GIT2: variants seen among roughly 807,000 people sequenced by gnomAD.
The protein encoded by GIT2 is ARF GTPase-activating protein GIT2.
A neutral mutation model predicts 100.3 loss-of-function variants in GIT2; 32 were observed. That is an observed-to-expected ratio of 0.32 (90% CI 0.24 to 0.43). The LOEUF (loss-of-function observed/expected upper bound fraction) is 0.43. GIT2 is among the 20% of genes least tolerant of loss of function. GIT2 has a pLI of 1.00. For missense variants in GIT2, 737 were observed against 975.1 expected, an observed-to-expected ratio of 0.76 and a Z score of 3.25; for synonymous variants, 353 against 364.1, an observed-to-expected ratio of 0.97 and a Z score of 0.35.
chr12:109,943,692 CTTT>C (rs113590433), intron 16 of GIT2, among the ~76,000 whole-genome samples: 3 of 137,920 alleles, frequency 2.2e-5, no homozygotes, highest in Non-Finnish European at 3.2e-5. Flanking sequence ...ACAGTAATTC[CTTT>C]TTTTTTTTTG....
Position 109,939,243 on chromosome 12 carries a change from G to C in GIT2, c.1736C>G (p.Ser579Cys), listed in dbSNP as rs748201825. 3.3e-5 allele frequency: 53 copies of C among 1,593,046 alleles called. No individual in the cohort carries two copies. The Admixed American group carries it at 8.7e-4, about 26-fold the overall frequency. Reference protein sequence around the residue: ...WSRDESARRASRLEKQNSTPE... With the variant: ...WSRDESARRACRLEKQNSTPE... ...TGTGCTGTTCTGCTTCTCCAGCCTG[G>C]ATGCCTACAAGAAAGAAGAGGGACC... Residue 579 changes from serine (S) to cysteine (C), a missense_variant, in exon 17 of 20, where the codon TCC becomes TGC. By Grantham distance (112) the Ser-to-Cys change is moderately radical (BLOSUM62 -1). Transcript: ENST00000355312.
intron 12 of GIT2, among the ~76,000 whole-genome samples, chr12:109,958,750 A>G (rs1003017346): frequency 2.0e-5 from 3 of 152,210 alleles, no homozygotes; most frequent in Non-Finnish European, 2.9e-5. Flanking sequence ...TTTATGGTAC[A>G]TATTTCTTTT....
chr12:109,978,857 C>T (rs1166734349), intron 7 of GIT2, among the ~76,000 whole-genome samples: 1 of 152,194 alleles, frequency 6.6e-6, no homozygotes, highest in Non-Finnish European at 1.5e-5. Context: ...CATCTGTTGG[C>T]TGCCTTCCCT....
chr12:109,996,282 G>C lies in GIT2; in HGVS notation c.-58C>G. The C allele has an allele frequency of 7.9e-7, 1 of 1,264,296 alleles. No individual in the cohort carries two copies. Among genetic ancestry groups the C allele is most frequent in the Non-Finnish European group, 1.1e-6 (1 of 906,222 alleles). 78.3% of individuals were successfully genotyped at this position (1,264,296 alleles called of 1,614,324 possible). A position where few individuals can be genotyped will look rare whatever the true frequency, so the allele number is the denominator to read the frequency against. ...GCCGGGGGACAGCAAAGGCGGCGGT[G>C]GCGGCGGCGCTTCCGCTCTAACGGG... On this transcript the variant is annotated 5_prime_UTR_variant, in exon 1 of 20. Coordinates refer to ENST00000355312, the MANE Select transcript of GIT2 (RefSeq NM_057169.5).
intron 4 of GIT2, among the ~76,000 whole-genome samples, chr12:109,986,344 C>T (rs1021945724): frequency 1.3e-5 from 2 of 152,102 alleles, no homozygotes; most frequent in African/African-American, 2.4e-5. Flanking sequence ...AAAGTTAATC[C>T]ACCATGGCTG....
intron 9 of GIT2, 36 bp from the exon 10 acceptor site, chr12:109,961,721 T>A: frequency 8.2e-7 from 1 of 1,212,584 alleles, no homozygotes. Context: ...CAAGGGACAA[T>A]GATTAATGCC....
intron 4 of GIT2, among the ~76,000 whole-genome samples, chr12:109,988,541 C>CA (rs907955876): frequency 6.6e-5 from 10 of 150,910 alleles, no homozygotes; most frequent in Non-Finnish European, 1.3e-4. Context: ...GACCCTGTCT[C>CA]AAAAAAAACA....
intron 18 of GIT2, among the ~76,000 whole-genome samples, chr12:109,936,412 T>C (rs1873002843): frequency 6.6e-6 from 1 of 152,212 alleles, no homozygotes; most frequent in East Asian, 1.9e-4. Flanking sequence ...GGCAGATATT[T>C]GTATTTTTGA....
intron 4 of GIT2, among the ~76,000 whole-genome samples, chr12:109,986,666 G>A (rs1302409343): frequency 2.0e-5 from 3 of 152,216 alleles, no homozygotes; most frequent in South Asian, 2.1e-4. Flanking sequence ...TCAGGAGGCT[G>A]AGGCAGGAGA....
intron 12 of GIT2, among the ~76,000 whole-genome samples, chr12:109,957,279 T>G (rs1194674566): frequency 6.6e-6 from 1 of 152,082 alleles, no homozygotes; most frequent in African/African-American, 2.4e-5. Flanking sequence ...CCCTCCTCGC[T>G]CTCTTGCTTC....
At position 109,934,287 on chromosome 12, in the gene GIT2, A is replaced by C. The variant is rs2136123250; in HGVS notation, c.2004-202T>G. 1.7e-6 allele frequency: 1 copy of C among 579,148 alleles called. No individual in the cohort carries two copies. The highest frequency in any genetic ancestry group is 3.0e-5 in the Admixed American group (1 of 33,270). 35.9% of individuals were successfully genotyped at this position (579,148 alleles called of 1,614,324 possible). On this transcript the variant is annotated intron_variant, in intron 18 of 19. Transcript: ENST00000355312. The surrounding 1 kb of genome is among the most constrained non-coding windows in gnomAD (Gnocchi z 4.5). ...CTTCCTAAAAGTTCAATCTGATGAA[A>C]AGTCTCCAGGTATGAAATATGGCAA... is the stretch of plus-strand genomic sequence containing the variant.
intron 4 of GIT2, among the ~76,000 whole-genome samples, chr12:109,986,243 A>C (rs1325970703): frequency 6.6e-6 from 1 of 152,186 alleles, no homozygotes; most frequent in Non-Finnish European, 1.5e-5. Context: ...ACAACAAAAA[A>C]GGAAAACTTC....
intron 12 of GIT2, among the ~76,000 whole-genome samples, chr12:109,956,815 G>A (rs746630620): frequency 7.2e-5 from 11 of 152,000 alleles, no homozygotes; most frequent in South Asian, 2.1e-4. Flanking sequence ...CTGGGAATTC[G>A]AGAATAGCCT....
intron 14 of GIT2, chr12:109,950,593 A>C (rs1369167650): frequency 6.6e-6 from 1 of 152,658 alleles, no homozygotes; most frequent in Non-Finnish European, 1.5e-5. Flanking sequence ...AATGCTGAGC[A>C]AATGAGATTG....
intron 16 of GIT2, among the ~76,000 whole-genome samples, chr12:109,944,474 C>T (rs996390048): frequency 6.6e-6 from 1 of 152,222 alleles, no homozygotes; most frequent in Non-Finnish European, 1.5e-5. Flanking sequence ...ACTCTTTATG[C>T]ATGAAAGTAT....
intron 1 of GIT2, among the ~76,000 whole-genome samples, chr12:109,992,510 T>G (rs1395803360): frequency 1.3e-5 from 2 of 152,176 alleles, no homozygotes; most frequent in African/African-American, 4.8e-5. Context: ...TGTTGTAGAC[T>G]GCTGTCCTAA....
chr12:109,993,651 T>C (rs900892578), intron 1 of GIT2, among the ~76,000 whole-genome samples: 2 of 152,202 alleles, frequency 1.3e-5, no homozygotes, highest in East Asian at 3.8e-4. Context: ...AAAGTAGTAA[T>C]GTTAGTTGTT....
Position 109,953,231 on chromosome 12 carries a change from T to G in GIT2, c.1103A>C (p.Asn368Thr). ...QGSSLSGSKD[N>T]VELILKTINN... ...GATGGTTTTCAGTATGAGCTCCACA[T>G]TGTCTATCAATAAAAGCAAACAACT... The change falls in exon 13 of 20, where the codon AAT becomes ACT. Residue 368 changes from asparagine (N) to threonine (T), a missense_variant. Physicochemically the swap from Asn to Thr is moderately conservative, Grantham distance 65. This residue lies in a region of GIT2 where 451 missense variants were observed against 543.7 expected (regional missense o/e 0.83). Coordinates refer to ENST00000355312, the MANE Select transcript of GIT2 (RefSeq NM_057169.5). 2 of 1,613,658 alleles carry G rather than the reference T, an allele frequency of 1.2e-6. No individual in the cohort carries two copies. The highest frequency in any genetic ancestry group is 1.7e-6 in the Non-Finnish European group (2 of 1,179,664).
chr12:109,974,538 G>C (rs1250135139), intron 7 of GIT2, among the ~76,000 whole-genome samples: 1 of 152,092 alleles, frequency 6.6e-6, no homozygotes, highest in African/African-American at 2.4e-5. Context: ...AAAAAAAGCA[G>C]CATGTTGTTC....
Sources: gnomAD v4.1 joint callset for allele counts (sites outside exome capture counted in the v4.1 genomes callset) on GRCh38, gnomAD v4.1.1 for gene constraint, gnomAD v4.1.1 regional missense constraint, Gnocchi (gnomAD v3.1) non-coding constraint, MANE v1.5 for transcripts, NCBI Gene and HGNC (gene_info 2026-07-23, HGNC 2026-07-21) for gene names.